The following KRIT1 variants were observed in gnomAD, a reference collection of about 807,000 sequenced individuals.
KRIT1 encodes the protein KRIT1 ankyrin repeat containing.
In KRIT1, 45 loss-of-function variants were observed where a neutral mutation model predicts 95.8. That is an observed-to-expected ratio of 0.47 (90% CI 0.37 to 0.60). KRIT1 has a LOEUF of 0.60. Ranked by LOEUF, KRIT1 falls within the 20% of genes least tolerant of loss-of-function variation. The probability of loss-of-function intolerance (pLI) is 0.00; values close to 1 mark genes in which losing one functional copy is unlikely to be tolerated. For synonymous variants in KRIT1, 282 were observed against 278.8 expected (o/e 1.01, Z -0.11); for missense variants, 788 against 877.5 (o/e 0.90, Z 1.29).
chr7:92,221,713 A>T (rs963085702), intron 14 of KRIT1, among the ~76,000 whole-genome samples, 189 bp downstream of exon 14: 1 of 152,176 alleles, frequency 6.6e-6, no homozygotes, highest in African/African-American at 2.4e-5. Flanking sequence ...TTCTTAAGAC[A>T]ATGGGAGTGG....
At chr7:92,238,052 C>T (rs1431425955) in intron 5 of KRIT1, among the ~76,000 whole-genome samples, 2 of 152,108 alleles carry the variant, frequency 1.3e-5, no homozygotes, top group African/African-American at 4.8e-5. Context: ...ATGTACTCTG[C>T]AGGGTCAATA....
chr7:92,237,108 A>G (rs1045653838), intron 6 of KRIT1, among the ~76,000 whole-genome samples: 1 of 152,196 alleles, frequency 6.6e-6, no homozygotes, highest in Non-Finnish European at 1.5e-5. Context: ...ATAAAGAGCT[A>G]AAGATTAAAG....
In KRIT1 at chr7:92,224,869, G is replaced by A. The variant is rs575682266; in HGVS notation, c.1254+851C>T. On this transcript the variant is annotated intron_variant, in intron 12 of 18. Transcript: ENST00000394505. ...GTGACAATGAATAGATTAAAATTAC[G>A]TGTAATCAGGCTGGGCGTGGTGGTT... is the stretch of plus-strand genomic sequence containing the variant. 2.6e-5 allele frequency among the ~76,000 whole-genome samples: 4 copies of A among 152,184 alleles called. No individual in the cohort carries two copies. In the East Asian group the frequency reaches 7.8e-4, roughly 29 times the overall value.
intron 6 of KRIT1, 135 bp downstream of exon 6, chr7:92,237,532 C>T: frequency 2.3e-6 from 1 of 428,148 alleles, no homozygotes; most frequent in Non-Finnish European, 4.2e-6. Context: ...AACATATTTC[C>T]CTTCTATTAA....
chr7:92,201,348 T>G lies in KRIT1; in HGVS notation c.2101A>C (p.Ser701Arg). ...ATAAAGCTCATTTTATTTTCCATGCTATGGATCTGAAAACAAGTATCAGTA... is the reference window on the plus strand; with the variant it reads ...ATAAAGCTCATTTTATTTTCCATGCGATGGATCTGAAAACAAGTATCAGTA... Reference protein sequence around the residue: ...GDTDTCFQIHSMENKMSFIVH... With the variant: ...GDTDTCFQIHRMENKMSFIVH... Residue 701 changes from serine (S) to arginine (R), a missense_variant, in exon 18 of 19, where the codon AGC (serine) becomes CGC (arginine). By Grantham distance (110) the Ser-to-Arg change is moderately radical. Coordinates refer to ENST00000394505, the MANE Select transcript of KRIT1 (RefSeq NM_194454.3). The G allele has an allele frequency of 6.3e-7, 1 of 1,592,042 alleles. No homozygotes were observed.
chr7:92,236,144 G>A lies in KRIT1; in HGVS notation c.485+269C>T, dbSNP rs1403944871. On this transcript the variant is annotated intron_variant, in intron 7 of 18. Coordinates refer to ENST00000394505, the MANE Select transcript of KRIT1 (RefSeq NM_194454.3). ...TGATAAGAGTAACTCAATATTAAAT[G>A]TATAGTTTCATAACAGGTAAATCTT... 1.7e-5 allele frequency: 6 copies of A among 343,492 alleles called. No homozygotes were observed. In the East Asian group the frequency reaches 3.2e-4, roughly 19 times the overall value. 21.3% of individuals were successfully genotyped at this position (343,492 alleles called of 1,614,324 possible).
chr7:92,207,557 A>G (rs756459632), intron 17 of KRIT1, among the ~76,000 whole-genome samples: 6 of 152,186 alleles, frequency 3.9e-5, no homozygotes, highest in Non-Finnish European at 8.8e-5. Context: ...ACTGCACTTT[A>G]GACTAAATGG....
chr7:92,229,660 G>T (rs1796887235), intron 10 of KRIT1, among the ~76,000 whole-genome samples: 1 of 152,144 alleles, frequency 6.6e-6, no homozygotes, highest in Non-Finnish European at 1.5e-5. Context: ...TTATGCCTCT[G>T]AAACGGTTTA....
chr7:92,217,216 A>G (rs1292679223), intron 14 of KRIT1, among the ~76,000 whole-genome samples: 1 of 152,238 alleles, frequency 6.6e-6, no homozygotes, highest in Non-Finnish European at 1.5e-5. Flanking sequence ...CAGACTGAGT[A>G]TACTTAGATT....
At chr7:92,207,253 A>T (rs917241611) in intron 17 of KRIT1, among the ~76,000 whole-genome samples, 2 of 152,166 alleles carry the variant, frequency 1.3e-5, no homozygotes, top group East Asian at 3.9e-4. Context: ...TCTAAAAACC[A>T]TAAGATAAAT....
intron 17 of KRIT1, among the ~76,000 whole-genome samples, chr7:92,212,643 G>A (rs1011851326): frequency 3.0e-4 from 45 of 152,118 alleles, no homozygotes; most frequent in African/African-American, 9.9e-4. Flanking sequence ...CCGCTAGCAC[G>A]CTGATCTCAG....
intron 10 of KRIT1, among the ~76,000 whole-genome samples, chr7:92,234,238 A>C (rs936235502): frequency 4.6e-5 from 7 of 152,208 alleles, no homozygotes; most frequent in Non-Finnish European, 7.4e-5. Context: ...GGCAATGCCT[A>C]AGGACACTAA....
At chr7:92,240,876 GT>G in intron 5 of KRIT1, 116 bp downstream of exon 5, 2 of 857,512 alleles carry the variant, frequency 2.3e-6, no homozygotes, top group Non-Finnish European at 3.8e-6. Context: ...TTTTTTGCAA[GT>G]TTGTTAAATG....
At chr7:92,245,939 T>A (rs1318111616), upstream of KRIT1, 1 of 248,170 alleles carries the variant, frequency 4.0e-6, no homozygotes, top group Non-Finnish European at 7.9e-6. Flanking sequence ...GTTCACACCC[T>A]TTGCAGCCTC....
chr7:92,238,880 G>A lies in KRIT1; in HGVS notation c.263-1121C>T, dbSNP rs559426237. ...ATAGATGTGAAAATCACTACCTATC[G>A]ACAGGACCAATTTAAGAGTTTCATG... On this transcript the variant is annotated intron_variant, in intron 5 of 18. Transcript: ENST00000394505. Among the ~76,000 whole-genome samples, 4 of 152,220 alleles carry A rather than the reference G, an allele frequency of 2.6e-5. No individual in the cohort carries two copies. The South Asian group carries it at 6.2e-4, about 24-fold the overall frequency.
intron 3 of KRIT1, among the ~76,000 whole-genome samples, chr7:92,243,088 CG>C (rs1800042099): frequency 6.6e-6 from 1 of 152,032 alleles, no homozygotes; most frequent in Non-Finnish European, 1.5e-5. Context: ...CCAAAGTGCT[CG>C]GATTACAGGC....
rs576511978 is a variant in KRIT1 at position 92,242,847 on chromosome 7, G to T, written c.-2-710C>A. ...TTTGTTTTGTTTTAGACAGAGTCTCGCTCTGTCACTTAGGCTAGAGTGCAG... is the reference window on the plus strand; with the variant it reads ...TTTGTTTTGTTTTAGACAGAGTCTCTCTCTGTCACTTAGGCTAGAGTGCAG... On this transcript the variant is annotated intron_variant, in intron 3 of 18. Coordinates refer to ENST00000394505, the MANE Select transcript of KRIT1 (RefSeq NM_194454.3). 2.6e-5 allele frequency among the ~76,000 whole-genome samples: 4 copies of T among 152,026 alleles called. No homozygotes were observed. In the South Asian group the frequency reaches 8.3e-4, roughly 32 times the overall value.
intron 5 of KRIT1, chr7:92,240,753 G>T: frequency 3.8e-6 from 2 of 522,424 alleles, no homozygotes; most frequent in South Asian, 4.6e-5. Flanking sequence ...ACTTACCTAG[G>T]GAACTACACT....
In KRIT1 at chr7:92,199,826, T is replaced by C. The variant is rs1192809985; in HGVS notation, c.*910A>G. ...ACTTCCAGAGAGTGAATGCCCTTGTTTAGAATGGGTCTCTGAAATCTTCAT... is the reference window on the plus strand; with the variant it reads ...ACTTCCAGAGAGTGAATGCCCTTGTCTAGAATGGGTCTCTGAAATCTTCAT... On this transcript the variant is annotated 3_prime_UTR_variant, in exon 19 of 19. Coordinates refer to ENST00000394505, the MANE Select transcript of KRIT1 (RefSeq NM_194454.3). The C allele has an allele frequency of 6.6e-6, 1 of 152,168 alleles. No individual in the cohort carries two copies. The highest frequency in any genetic ancestry group is 2.4e-5 in the African/African-American group (1 of 41,440). The allele number at this position is 152,168 out of a possible 1,614,324, so 9.4% of individuals were successfully genotyped here.
Sources: gnomAD v4.1 joint callset for allele counts (sites outside exome capture counted in the v4.1 genomes callset) on GRCh38, gnomAD v4.1.1 for gene constraint, MANE v1.5 for transcripts, NCBI Gene and HGNC (gene_info 2026-07-23, HGNC 2026-07-21) for gene names.